Variants in CCDC6 observed in about 807,000 individuals in gnomAD.
CCDC6 encodes the protein coiled-coil domain-containing protein 6.
CCDC6 carries 20 observed loss-of-function variants against 56.6 expected under a neutral mutation model. The observed-to-expected ratio is 0.35, with a 90% CI of 0.25 to 0.51. The LOEUF (loss-of-function observed/expected upper bound fraction) is 0.51, where lower values mean the gene tolerates loss of function less well. Among genes scored for constraint, CCDC6 ranks in the 20% least tolerant of loss-of-function variants. The pLI is 0.95. For missense variants in CCDC6, 367 were observed against 601.1 expected, an observed-to-expected ratio of 0.61 and a Z score of 4.07; for synonymous variants, 241 against 234.4, an observed-to-expected ratio of 1.03 and a Z score of -0.26.
intron 1 of CCDC6, among the ~76,000 whole-genome samples, chr10:59,899,995 C>T (rs1427152050): frequency 6.6e-6 from 1 of 152,162 alleles, no homozygotes; most frequent in Admixed American, 6.5e-5. Context: ...TCTATGAAGA[C>T]AAGGTCCCAG....
intron 1 of CCDC6, among the ~76,000 whole-genome samples, chr10:59,883,403 C>T (rs575008371): frequency 3.4e-4 from 52 of 152,276 alleles, no homozygotes; most frequent in African/African-American, 1.2e-3. Context: ...AGACGTACTC[C>T]GATGTCCCTG....
chr10:59,898,441 T>C (rs1160726462), intron 1 of CCDC6, among the ~76,000 whole-genome samples: 5 of 152,228 alleles, frequency 3.3e-5, no homozygotes, highest in Non-Finnish European at 5.9e-5. Flanking sequence ...TTCACAGAGA[T>C]AGATGAACTT....
chr10:59,866,146 C>A (rs2071175349), intron 1 of CCDC6, among the ~76,000 whole-genome samples: 1 of 152,178 alleles, frequency 6.6e-6, no homozygotes, highest in Non-Finnish European at 1.5e-5. Flanking sequence ...ATGGGAAGCA[C>A]CGTGTGGAAT....
intron 2 of CCDC6, among the ~76,000 whole-genome samples, chr10:59,850,697 G>A (rs528324562): frequency 3.5e-5 from 5 of 144,144 alleles, no homozygotes; most frequent in Admixed American, 2.1e-4. Context: ...TTTAGTCTAT[G>A]ATTTTTTTTT....
At chr10:59,819,757 G>T (rs1264789104) in intron 3 of CCDC6, among the ~76,000 whole-genome samples, 1 of 152,038 alleles carries the variant, frequency 6.6e-6, no homozygotes, top group Non-Finnish European at 1.5e-5. Context: ...TAAAAAAATT[G>T]GTGTTCATGC....
chr10:59,813,891 C>A (rs1564740167), intron 4 of CCDC6, among the ~76,000 whole-genome samples: 1 of 152,086 alleles, frequency 6.6e-6, no homozygotes, highest in African/African-American at 2.4e-5. Context: ...TACAAATATG[C>A]ATCCAAACCA....
chr10:59,863,265 C>A (rs2132663338), intron 1 of CCDC6, among the ~76,000 whole-genome samples: 1 of 152,272 alleles, frequency 6.6e-6, no homozygotes, highest in South Asian at 2.1e-4. Context: ...AATCCAGGTG[C>A]TCATTTTGTC....
At chr10:59,859,281 AC>A (rs1397211901) in intron 1 of CCDC6, among the ~76,000 whole-genome samples, 1 of 152,032 alleles carries the variant, frequency 6.6e-6, no homozygotes, top group African/African-American at 2.4e-5. Flanking sequence ...AACAAATCAT[AC>A]AAAAGACACA....
rs931976878 is a variant in CCDC6, at chr10:59,846,073, G to A, written c.453+6480C>T. ...AGATTCTAGTGTACATCCTGGAAAAGAAGAGAATTGGGAGTCTATACTCAC... is the reference window on the plus strand; with the variant it reads ...AGATTCTAGTGTACATCCTGGAAAAAAAGAGAATTGGGAGTCTATACTCAC... On this transcript the variant is annotated intron_variant, in intron 2 of 8. Transcript: ENST00000263102. 2.0e-5 allele frequency among the ~76,000 whole-genome samples: 3 copies of A among 152,178 alleles called. No homozygotes were observed. In the South Asian group the frequency reaches 6.2e-4, roughly 32 times the overall value.
intron 1 of CCDC6, among the ~76,000 whole-genome samples, chr10:59,860,165 T>C (rs2071116024): frequency 1.3e-5 from 2 of 152,150 alleles, no homozygotes; most frequent in East Asian, 1.9e-4. Flanking sequence ...AAAAAGGCAC[T>C]GCTTCAGCAT....
intron 1 of CCDC6, among the ~76,000 whole-genome samples, chr10:59,883,171 T>C (rs1028236100): frequency 6.6e-6 from 1 of 152,204 alleles, no homozygotes; most frequent in African/African-American, 2.4e-5. Flanking sequence ...GTTCCATCAA[T>C]GGACTCTGAG....
chr10:59,843,133 G>A (rs1211529183), intron 2 of CCDC6, among the ~76,000 whole-genome samples: 6 of 152,134 alleles, frequency 3.9e-5, no homozygotes, highest in East Asian at 1.9e-4. Context: ...TGATCTGCCC[G>A]CCTCAGCCTC....
chr10:59,803,760 G>T (rs899050685), intron 7 of CCDC6, among the ~76,000 whole-genome samples: 5 of 152,210 alleles, frequency 3.3e-5, no homozygotes, highest in Non-Finnish European at 2.9e-5. Context: ...GGGAAAGGTT[G>T]TGAGGGCAAA....
intron 7 of CCDC6, among the ~76,000 whole-genome samples, chr10:59,804,200 AAAAG>A (rs939169146): frequency 2.0e-4 from 30 of 151,930 alleles, no homozygotes; most frequent in South Asian, 6.2e-4. Flanking sequence ...TAAAAAAAAA[AAAAG>A]AAGAAGAAGA....
chr10:59,860,132 C>A (rs1259740673), intron 1 of CCDC6, among the ~76,000 whole-genome samples: 1 of 152,078 alleles, frequency 6.6e-6, no homozygotes, highest in Non-Finnish European at 1.5e-5. Context: ...GAACAGTAAA[C>A]CCTCCAATCC....
chr10:59,884,195 A>C (rs2071366530), intron 1 of CCDC6, among the ~76,000 whole-genome samples: 1 of 152,226 alleles, frequency 6.6e-6, no homozygotes, highest in Non-Finnish European at 1.5e-5. Context: ...AATAAAGGTA[A>C]GTAACATGGC....
chr10:59,847,379 A>G (rs1331425989), intron 2 of CCDC6, among the ~76,000 whole-genome samples: 1 of 152,134 alleles, frequency 6.6e-6, no homozygotes, highest in Admixed American at 6.6e-5. Flanking sequence ...AATGAAAAGA[A>G]GTTTTACAAT....
chr10:59,867,551 G>A (rs1466987269), intron 1 of CCDC6, among the ~76,000 whole-genome samples: 3 of 152,028 alleles, frequency 2.0e-5, no homozygotes, highest in Non-Finnish European at 2.9e-5. Context: ...TCAACCAATT[G>A]CCAATCATTT....
At chr10:59,795,614 G>A (rs1036510433) in intron 7 of CCDC6, among the ~76,000 whole-genome samples, 1 of 146,026 alleles carries the variant, frequency 6.8e-6, no homozygotes, top group Non-Finnish European at 1.5e-5. Flanking sequence ...CTAATGTTAT[G>A]CCTCTCCCCT....
Sources: gnomAD v4.1 joint callset for allele counts (sites outside exome capture counted in the v4.1 genomes callset) on GRCh38, gnomAD v4.1.1 for gene constraint, MANE v1.5 for transcripts, NCBI Gene and HGNC (gene_info 2026-07-23, HGNC 2026-07-21) for gene names.